TCERG1: variants seen among roughly 807,000 people sequenced by gnomAD.
TCERG1 encodes the protein transcription elongation regulator 1, also known as TATA box binding protein (TBP)-associated factor, RNA polymerase II, S, 150kD.
A neutral mutation model predicts 144.7 loss-of-function variants in TCERG1; 37 were observed. The ratio of observed to expected loss-of-function variants is 0.26; its 90% CI spans 0.20 to 0.34. The LOEUF (loss-of-function observed/expected upper bound fraction) is 0.34, where lower values mean the gene tolerates loss of function less well. TCERG1 is among the 10% of genes least tolerant of loss of function. The pLI, the probability that TCERG1 is intolerant of heterozygous loss-of-function variation, is 1.00. For missense variants in TCERG1, 1,027 were observed against 1,380.7 expected, an observed-to-expected ratio of 0.74 and a Z score of 4.06; for synonymous variants, 492 against 458.2, an observed-to-expected ratio of 1.07 and a Z score of -0.94.
In TCERG1 at chr5:146,483,675, C is replaced by T. The variant is rs755891112; in HGVS notation, c.2163+46C>T. ...ACTAAGAATGTATATCTCTTGCCAA[C>T]ATAGTTTTTAAATTATAAGGAATAA... is the stretch of plus-strand genomic sequence containing the variant. On this transcript the variant is annotated intron_variant, in intron 15 of 22. Transcript: ENST00000679501. 20 of 1,301,096 alleles carry T rather than the reference C, an allele frequency of 1.5e-5. No homozygotes were observed. The Admixed American group carries it at 2.7e-4, about 17-fold the overall frequency. The allele number at this position is 1,301,096 out of a possible 1,614,324, so 80.6% of individuals were successfully genotyped here. A position where few individuals can be genotyped will look rare whatever the true frequency, so the allele number is the denominator to read the frequency against.
At chr5:146,454,554 C>A (rs1762656069) in intron 1 of TCERG1, among the ~76,000 whole-genome samples, 1 of 151,854 alleles carries the variant, frequency 6.6e-6, no homozygotes, top group South Asian at 2.1e-4. Context: ...AAAACTAGAT[C>A]ATCCATTGAT....
At chr5:146,482,868 G>T (rs1765485532) in intron 14 of TCERG1, 141 bp downstream of exon 14, 3 of 1,191,086 alleles carry the variant, frequency 2.5e-6, no homozygotes, top group South Asian at 5.0e-5. Flanking sequence ...TACATTTTTT[G>T]CAACAGCCTT....
intron 12 of TCERG1, 128 bp from the exon 13 acceptor site, chr5:146,481,022 T>C (rs1039426002): frequency 9.8e-6 from 2 of 204,494 alleles, no homozygotes; most frequent in Non-Finnish European, 1.7e-5. Context: ...TTAATTATTA[T>C]AAATGACTGT....
Position 146,510,834 on chromosome 5 carries a change from C to T in TCERG1, c.*192C>T. The T allele has an allele frequency of 4.2e-6, 2 of 476,382 alleles. No homozygotes were observed. The highest frequency in any genetic ancestry group is 7.3e-6 in the Non-Finnish European group (2 of 275,284). The allele number at this position is 476,382 out of a possible 1,614,324, so 29.5% of individuals were successfully genotyped here. On this transcript the variant is annotated 3_prime_UTR_variant, in exon 23 of 23. Coordinates refer to ENST00000679501, the MANE Select transcript of TCERG1 (RefSeq NM_001382548.1). ...GCTTTTCTTTGTGTGGCATGACTGA[C>T]ATACATACTCAAATATAGGCTGTCT... is the stretch of plus-strand genomic sequence containing the variant.
Position 146,447,516 on chromosome 5 carries a change from G to T in TCERG1, c.59+108G>T, listed in dbSNP as rs1393848853. On this transcript the variant is annotated intron_variant, in intron 1 of 22. Coordinates refer to ENST00000679501, the MANE Select transcript of TCERG1 (RefSeq NM_001382548.1). ...GGCGGACGGTGGGTAGCGGAGCCGG[G>T]CGGCCCGGGCCGGGACCGCATGGGG... The T allele has an allele frequency of 1.5e-5, 22 of 1,437,788 alleles. No individual in the cohort carries two copies. In the East Asian group the frequency reaches 5.7e-4, roughly 37 times the overall value. 89.1% of individuals were successfully genotyped at this position (1,437,788 alleles called of 1,614,324 possible).
At chr5:146,504,309 A>G (rs912562437) in intron 19 of TCERG1, 7 of 219,068 alleles carry the variant, frequency 3.2e-5, no homozygotes, top group African/African-American at 1.4e-4. Flanking sequence ...CTTACCTGCC[A>G]TAGTGATAAA....
intron 9 of TCERG1, among the ~76,000 whole-genome samples, chr5:146,473,361 T>C (rs1764527140): frequency 6.6e-6 from 1 of 152,180 alleles, no homozygotes; most frequent in Admixed American, 6.5e-5. Flanking sequence ...TAGAGGTTGG[T>C]ACATGAGATT....
chr5:146,498,461 A>G, intron 16 of TCERG1, 75 bp from the exon 17 acceptor site: 1 of 1,465,204 alleles, frequency 6.8e-7, no homozygotes, highest in Non-Finnish European at 9.2e-7. Context: ...TTGTTGGAAA[A>G]ATGGTATCTT....
intron 15 of TCERG1, among the ~76,000 whole-genome samples, chr5:146,491,943 CTT>C (rs1766467772): frequency 7.0e-6 from 1 of 143,494 alleles, no homozygotes; most frequent in Middle Eastern, 3.4e-3. Flanking sequence ...TGTCATGAAA[CTT>C]TGTTTTTCCC....
At chr5:146,494,449 C>G (rs1766704485) in intron 16 of TCERG1, among the ~76,000 whole-genome samples, 1 of 152,080 alleles carries the variant, frequency 6.6e-6, no homozygotes, top group South Asian at 2.1e-4. Context: ...CTAAGTCTTA[C>G]CATATCGTAG....
At chr5:146,489,458 A>G (rs1032768530) in intron 15 of TCERG1, among the ~76,000 whole-genome samples, 1 of 152,196 alleles carries the variant, frequency 6.6e-6, no homozygotes, top group Admixed American at 6.5e-5. Flanking sequence ...CAGTATGGTA[A>G]TATGTTACCA....
chr5:146,464,561 T>C (rs1276077280), intron 5 of TCERG1, among the ~76,000 whole-genome samples: 2 of 152,216 alleles, frequency 1.3e-5, no homozygotes, highest in East Asian at 3.8e-4. Flanking sequence ...ATTCTTACCA[T>C]AGGGTTTAAA....
intron 15 of TCERG1, among the ~76,000 whole-genome samples, chr5:146,485,918 C>T (rs190143059): frequency 6.6e-6 from 1 of 152,296 alleles, no homozygotes; most frequent in African/African-American, 2.4e-5. Context: ...TGGTCTTGAA[C>T]ACCGGACCTC....
At chr5:146,509,545 A>C (rs1561713204) in intron 22 of TCERG1, among the ~76,000 whole-genome samples, 1 of 151,568 alleles carries the variant, frequency 6.6e-6, no homozygotes, top group Non-Finnish European at 1.5e-5. Context: ...CAACTATATA[A>C]GAATTGTATT....
intron 1 of TCERG1, among the ~76,000 whole-genome samples, chr5:146,447,693 C>T (rs907092616): frequency 6.6e-6 from 1 of 152,244 alleles, no homozygotes; most frequent in African/African-American, 2.4e-5. Context: ...CGCGGTGCTC[C>T]CGCCTTTGGG....
In TCERG1 at chr5:146,511,354, A is replaced by G. The variant is rs934581323; in HGVS notation, c.*712A>G. 3.3e-5 allele frequency: 5 copies of G among 152,642 alleles called. No homozygotes were observed. Among genetic ancestry groups the G allele is most frequent in the South Asian group, 4.1e-4 (2 of 4,832 alleles). 9.5% of individuals were successfully genotyped at this position (152,642 alleles called of 1,614,324 possible). A position where few individuals can be genotyped will look rare whatever the true frequency, so the allele number is the denominator to read the frequency against. On this transcript the variant is annotated 3_prime_UTR_variant, in exon 23 of 23. Transcript: ENST00000679501. ...ATTCACCATTAAGTGATCTTTATCA[A>G]TATTCTGGATTAGACAACAAATTAC...
Position 146,478,613 on chromosome 5 carries a change from G to A in TCERG1, c.1722G>A (p.Glu574=). ...CAGATGTTGACAAAATTATTCAGGA[G>A]CCCCCTCATAAAAAAGGAATGGAGG... ...GRADVDKIIQ[E]PPHKKGMEEL... The change falls in exon 10 of 23, where the codon GAG becomes GAA. Residue 574 remains glutamate, a synonymous_variant. Coordinates refer to ENST00000679501, the MANE Select transcript of TCERG1 (RefSeq NM_001382548.1). 3 of 1,605,246 alleles carry A rather than the reference G, an allele frequency of 1.9e-6. No homozygotes were observed. Among genetic ancestry groups the A allele is most frequent in the Non-Finnish European group, 1.7e-6 (2 of 1,177,144 alleles).
intron 10 of TCERG1, 89 bp from the exon 11 acceptor site, chr5:146,479,766 T>C (rs1765173244): frequency 7.9e-7 from 1 of 1,260,064 alleles, no homozygotes; most frequent in Non-Finnish European, 1.1e-6. Flanking sequence ...AAGAGGTGAA[T>C]ATATTATGTA....
chr5:146,474,973 C>T (rs1361692381), intron 9 of TCERG1, among the ~76,000 whole-genome samples: 3 of 152,058 alleles, frequency 2.0e-5, no homozygotes, highest in African/African-American at 7.3e-5. Flanking sequence ...CCGAGGTACG[C>T]CTGTCTACTT....
Sources: gnomAD v4.1 joint callset for allele counts (sites outside exome capture counted in the v4.1 genomes callset) on GRCh38, gnomAD v4.1.1 for gene constraint, MANE v1.5 for transcripts, NCBI Gene and HGNC (gene_info 2026-07-23, HGNC 2026-07-21) for gene names.